The following MCUB variants were observed in gnomAD, a reference collection of about 807,000 sequenced individuals.
MCUB encodes the protein calcium uniporter regulatory subunit MCUb, mitochondrial.
Under a neutral mutation model 41.4 loss-of-function variants are expected in MCUB, and 46 were observed. The ratio of observed to expected loss-of-function variants is 1.11; its 90% CI spans 0.88 to 1.42. MCUB has a LOEUF of 1.42. Among genes scored for constraint, MCUB ranks in the 40% most tolerant of loss-of-function variants. The probability of loss-of-function intolerance (pLI) is 0.00; values close to 1 mark genes in which losing one functional copy is unlikely to be tolerated. For synonymous variants in MCUB, 148 were observed against 148.2 expected (o/e 1.00, Z 0.01); for missense variants, 403 against 404.9 (o/e 1.00, Z 0.04).
intron 1 of MCUB, among the ~76,000 whole-genome samples, chr4:109,647,821 G>C (rs1043749464): frequency 6.6e-6 from 1 of 152,172 alleles, no homozygotes; most frequent in African/African-American, 2.4e-5. Flanking sequence ...TATGGTAAAA[G>C]GGATGTAGAA....
chr4:109,606,530 AT>A (rs900774979), intron 1 of MCUB, among the ~76,000 whole-genome samples: 3 of 150,270 alleles, frequency 2.0e-5, no homozygotes, highest in Non-Finnish European at 3.0e-5. Flanking sequence ...ATTCTTGTGT[AT>A]TTTTTTTATT....
chr4:109,606,816 G>A (rs1428460109), intron 1 of MCUB, among the ~76,000 whole-genome samples: 5 of 152,028 alleles, frequency 3.3e-5, no homozygotes, highest in African/African-American at 1.2e-4. Flanking sequence ...GCGCGATCTC[G>A]GCTCACTGCA....
chr4:109,622,818 T>A (rs1200323857), intron 1 of MCUB, among the ~76,000 whole-genome samples: 3 of 152,182 alleles, frequency 2.0e-5, no homozygotes, highest in Non-Finnish European at 4.4e-5. Context: ...GATCTGTTCC[T>A]GGGTTAGCAA....
intron 1 of MCUB, among the ~76,000 whole-genome samples, chr4:109,639,166 T>C (rs1728663464): frequency 6.6e-6 from 1 of 152,214 alleles, no homozygotes; most frequent in Admixed American, 6.5e-5. Context: ...TCACTATCTA[T>C]GGCAGTTATA....
chr4:109,579,058 CTATACAGGGCATT>C (rs1727104042), intron 1 of MCUB, among the ~76,000 whole-genome samples: 1 of 152,180 alleles, frequency 6.6e-6, no homozygotes, highest in South Asian at 2.1e-4. Context: ...CACTGATACA[CTATACAGGGCATT>C]GGTTTTTCCC....
intron 1 of MCUB, among the ~76,000 whole-genome samples, chr4:109,644,728 T>TAGAA (rs1463030843): frequency 6.6e-6 from 1 of 152,234 alleles, no homozygotes; most frequent in African/African-American, 2.4e-5. Flanking sequence ...CTACGCATTG[T>TAGAA]ATGCAGTTTT....
At chr4:109,644,270 A>G (rs569042854) in intron 1 of MCUB, among the ~76,000 whole-genome samples, 38 of 152,336 alleles carry the variant, frequency 2.5e-4, no homozygotes, top group African/African-American at 8.2e-4. Context: ...TAAAAATATG[A>G]CGGAAATAAA....
intron 1 of MCUB, among the ~76,000 whole-genome samples, chr4:109,641,407 C>G (rs1046088632): frequency 6.6e-6 from 1 of 151,780 alleles, no homozygotes; most frequent in Non-Finnish European, 1.5e-5. Context: ...CCCGGCCTAA[C>G]ACATACAATA....
chr4:109,609,209 A>C (rs1727947061), intron 1 of MCUB, among the ~76,000 whole-genome samples: 2 of 152,224 alleles, frequency 1.3e-5, no homozygotes. Context: ...TCCACAGTGC[A>C]AAGTGAAAGT....
chr4:109,664,419 T>C (rs1231796496), intron 4 of MCUB, 25 bp downstream of exon 4: 1 of 859,502 alleles, frequency 1.2e-6, no homozygotes, highest in South Asian at 1.7e-5. Flanking sequence ...TATCCAACTA[T>C]TACTTTTTTT....
chr4:109,588,562 GA>G (rs1443692280), intron 1 of MCUB, among the ~76,000 whole-genome samples: 1 of 151,870 alleles, frequency 6.6e-6, no homozygotes, highest in African/African-American at 2.4e-5. Context: ...AATATCATTT[GA>G]AAAAAAATTT....
chr4:109,681,828 G>A lies in MCUB; in HGVS notation c.452-754G>A, dbSNP rs191486501. 2.3e-3 allele frequency among the ~76,000 whole-genome samples: 356 copies of A among 152,366 alleles called. 3 individuals are homozygous for A. The highest frequency in any genetic ancestry group is 7.9e-3 in the African/African-American group (329 of 41,590). ...AAAACAGCAGTGGTGGACAGTGAGC[G>A]AAAGCTCAGCTCGAGCAGTAACAAA... On this transcript the variant is annotated intron_variant, in intron 4 of 7. Coordinates refer to ENST00000394650, the MANE Select transcript of MCUB (RefSeq NM_017918.5).
At chr4:109,601,080 A>G (rs1415842585) in intron 1 of MCUB, among the ~76,000 whole-genome samples, 1 of 150,910 alleles carries the variant, frequency 6.6e-6, no homozygotes, top group African/African-American at 2.4e-5. Context: ...GGCGTGAGCT[A>G]CCGCACCCGG....
chr4:109,671,765 T>C (rs1188077575), intron 4 of MCUB, among the ~76,000 whole-genome samples: 3 of 152,244 alleles, frequency 2.0e-5, no homozygotes, highest in Non-Finnish European at 4.4e-5. Context: ...TTGTTGTTTT[T>C]TTCTTTGCCT....
chr4:109,642,461 G>A (rs1350498070), intron 1 of MCUB, among the ~76,000 whole-genome samples: 1 of 152,176 alleles, frequency 6.6e-6, no homozygotes, highest in Non-Finnish European at 1.5e-5. Flanking sequence ...ATATTTAGAA[G>A]TAATTGTTTT....
chr4:109,646,715 C>T (rs1308897127), intron 1 of MCUB, among the ~76,000 whole-genome samples: 1 of 152,170 alleles, frequency 6.6e-6, no homozygotes, highest in Non-Finnish European at 1.5e-5. Context: ...TACTGTGGTC[C>T]TACTGGTCCT....
intron 4 of MCUB, chr4:109,674,199 G>A (rs1729523048): frequency 6.2e-6 from 5 of 806,276 alleles, no homozygotes; most frequent in East Asian, 2.4e-5. Flanking sequence ...TATTATTGTT[G>A]GAAATAAACT....
At chr4:109,618,230 A>G (rs768701423) in intron 1 of MCUB, among the ~76,000 whole-genome samples, 7 of 152,172 alleles carry the variant, frequency 4.6e-5, no homozygotes, top group African/African-American at 1.4e-4. Context: ...TCCCCGCTCT[A>G]TCTCCCTTCT....
chr4:109,613,853 C>T (rs76776087), intron 1 of MCUB, among the ~76,000 whole-genome samples: 1 of 151,810 alleles, frequency 6.6e-6, no homozygotes, highest in Non-Finnish European at 1.5e-5. Flanking sequence ...GGTATATACT[C>T]TCCATTTTCC....
Sources: gnomAD v4.1 joint callset for allele counts (sites outside exome capture counted in the v4.1 genomes callset) on GRCh38, gnomAD v4.1.1 for gene constraint, MANE v1.5 for transcripts, NCBI Gene and HGNC (gene_info 2026-07-23, HGNC 2026-07-21) for gene names.